The following SMAD6 variants were observed in gnomAD, a reference collection of about 807,000 sequenced individuals.
SMAD6 encodes MAD homolog 6.
SMAD6 carries 103 observed loss-of-function variants against 39.4 expected under a neutral mutation model. That is an observed-to-expected ratio of 2.62 (90% CI 2.23 to 3.08). SMAD6 has a LOEUF of 3.08. Ranked by LOEUF, SMAD6 falls within the 30% of genes most tolerant of loss-of-function variation. The pLI is 0.00. For missense variants in SMAD6, 1,104 were observed against 742.9 expected (o/e 1.49, Z -5.65); for synonymous variants, 445 against 353.3 (o/e 1.26, Z -2.91).
At chr15:66,709,889 GCCTGAGAGC>G in intron 1 of SMAD6, among the ~76,000 whole-genome samples, 1 of 152,288 alleles carries the variant, frequency 6.6e-6, no homozygotes, top group African/African-American at 2.4e-5. Context: ...TGGCCTCTAG[GCCTGAGAGC>G]CCCCTAGATC....
At position 66,782,145 on chromosome 15, in the gene SMAD6, A is replaced by C. The variant is rs538551080; in HGVS notation, c.*610A>C. The C allele has an allele frequency of 2.6e-6, 1 of 381,532 alleles. No homozygotes were observed. The highest frequency in any genetic ancestry group is 3.9e-5 in the East Asian group (1 of 25,870). 23.6% of individuals were successfully genotyped at this position (381,532 alleles called of 1,614,324 possible). On this transcript the variant is annotated 3_prime_UTR_variant, in exon 4 of 4. Coordinates refer to ENST00000288840, the MANE Select transcript of SMAD6 (RefSeq NM_005585.5). ...TTGAAAAGGGAGGAAAGTCACATTT[A>C]CTCTTAAGTAAACCAGAGAAAGTTC...
intron 3 of SMAD6, among the ~76,000 whole-genome samples, chr15:66,733,639 A>C (rs973258152): frequency 7.9e-5 from 12 of 152,208 alleles, no homozygotes; most frequent in Admixed American, 7.9e-4. Flanking sequence ...CCATATATGC[A>C]TAGGACTTTC....
intron 3 of SMAD6, among the ~76,000 whole-genome samples, chr15:66,742,545 T>C (rs1375181656): frequency 1.3e-5 from 2 of 152,158 alleles, no homozygotes; most frequent in East Asian, 1.9e-4. Flanking sequence ...CAAGATCCTC[T>C]GCAGCCTCAA....
rs1395269676 is a variant in SMAD6 at position 66,757,794 on chromosome 15, C to T, written c.953-23203C>T. On this transcript the variant is annotated intron_variant, in intron 3 of 3. Transcript: ENST00000288840. ...GGATGCCAGAATGTCCACCGAGCCG[C>T]GAAGGAAGTGCTGGCAGGACAACAG... Among the ~76,000 whole-genome samples, 10 of 152,316 alleles carry T rather than the reference C, an allele frequency of 6.6e-5. No homozygotes were observed. The South Asian group carries it at 8.3e-4, about 13-fold the overall frequency.
intron 3 of SMAD6, among the ~76,000 whole-genome samples, chr15:66,756,812 C>T (rs79434560): frequency 0.014 from 2,105 of 152,366 alleles, 14 homozygotes; most frequent in Non-Finnish European, 0.02. Context: ...GCTGTGTCCT[C>T]TGGACAGAGG....
chr15:66,763,864 C>T lies in SMAD6; in HGVS notation c.953-17133C>T, dbSNP rs915265231. On this transcript the variant is annotated intron_variant, in intron 3 of 3. Transcript: ENST00000288840. ...CCCCCTGGCCAAACGCCCTAGGCAA[C>T]GCTGCTTCTTGAAGATGGGCATGGA... is the stretch of plus-strand genomic sequence containing the variant. 1.9e-4 allele frequency among the ~76,000 whole-genome samples: 29 copies of T among 152,230 alleles called. No homozygotes were observed. In the East Asian group the frequency reaches 2.1e-3, roughly 11 times the overall value.
intron 1 of SMAD6, among the ~76,000 whole-genome samples, chr15:66,709,090 C>T (rs532683662): frequency 6.6e-6 from 1 of 152,282 alleles, no homozygotes; most frequent in African/African-American, 2.4e-5. Context: ...GTTGGGTGAA[C>T]CCCAAGGCCT....
chr15:66,704,022 A>G lies in SMAD6; in HGVS notation c.764A>G (p.Asp255Gly). ...TGCCACAGCTTCGCCGCCGCCGCCG[A>G]CGGCCCTACCGTGTGCTGCAACCCC... ...CGCHSFAAAA[D>G]GPTVCCNPYH... Residue 255 changes from aspartate (D) to glycine (G), a missense_variant, in exon 1 of 4, where the codon GAC becomes GGC. Asp to Gly is a moderately conservative substitution (Grantham distance 94, BLOSUM62 -1). Coordinates refer to ENST00000288840, the MANE Select transcript of SMAD6 (RefSeq NM_005585.5). 1 of 1,505,662 alleles carries G rather than the reference A, an allele frequency of 6.6e-7. No individual in the cohort carries two copies. The highest frequency in any genetic ancestry group is 8.8e-7 in the Non-Finnish European group (1 of 1,136,342). The allele number at this position is 1,505,662 out of a possible 1,614,324, so 93.3% of individuals were successfully genotyped here.
In SMAD6 at chr15:66,704,058, G is replaced by T; in HGVS notation, c.800G>T (p.Ser267Ile). ...GTGTGCTGCAACCCCTACCACTTCA[G>T]CCGGCTCTGCGGGCCCGGTGAGCGC... ...PTVCCNPYHF[S>I]RLCGPESPPP... Residue 267 changes from serine (S) to isoleucine (I), a missense_variant, in exon 1 of 4, where the codon AGC (serine) becomes ATC (isoleucine). Transcript: ENST00000288840. The T allele has an allele frequency of 1.3e-6, 2 of 1,501,042 alleles. No individual in the cohort carries two copies. The highest frequency in any genetic ancestry group is 1.8e-6 in the Non-Finnish European group (2 of 1,133,558). The allele number at this position is 1,501,042 out of a possible 1,614,324, so 93.0% of individuals were successfully genotyped here.
intron 3 of SMAD6, among the ~76,000 whole-genome samples, chr15:66,762,021 A>C (rs1456798139): frequency 1.3e-5 from 2 of 152,220 alleles, no homozygotes; most frequent in African/African-American, 4.8e-5. Flanking sequence ...GCTTGCAGTC[A>C]GCTTAGCCCT....
chr15:66,762,481 G>A (rs1361328794), intron 3 of SMAD6, among the ~76,000 whole-genome samples: 3 of 152,140 alleles, frequency 2.0e-5, no homozygotes, highest in African/African-American at 7.2e-5. Context: ...GGGTTTCTGG[G>A]TGGAGCTCCC....
chr15:66,781,292 G>A lies in SMAD6; in HGVS notation c.1248G>A (p.Thr416=), dbSNP rs1894564416. 6.2e-7 allele frequency: 1 copy of A among 1,604,384 alleles called. No individual in the cohort carries two copies. Among genetic ancestry groups the A allele is most frequent in the Non-Finnish European group, 8.5e-7 (1 of 1,177,080 alleles). ...ACCCCATCTTCGTCAACTCCCCGAC[G>A]CTGGACGCGCCCGGCGGCCGCGCCC... is the stretch of plus-strand genomic sequence containing the variant. The part of the protein sequence containing the change: ...GEHPIFVNSP[T]LDAPGGRALV... The change falls in exon 4 of 4, where the codon ACG becomes ACA. Residue 416 remains threonine (T), a synonymous_variant. Coordinates refer to ENST00000288840, the MANE Select transcript of SMAD6 (RefSeq NM_005585.5).
Position 66,703,885 on chromosome 15 carries a change from GCGCGCCGACCTCCGCCTGGGCGGCCAGCC to G in SMAD6, c.635_663del (p.Asp212AlafsTer81). ...TGCCGGGCGGCTGCGTGCTGGTGCC[GCGCGCCGACCTCCGCCTGGGCGGCCAGCC>G]CGCGCCGCCGCAGCTGCTGCTCGGC... On this transcript the variant is annotated frameshift_variant, in exon 1 of 4. Coordinates refer to ENST00000288840, the MANE Select transcript of SMAD6 (RefSeq NM_005585.5). LOFTEE classifies it high-confidence loss of function. 2.3e-6 allele frequency: 3 copies of G among 1,311,116 alleles called. No homozygotes were observed. The highest frequency in any genetic ancestry group is 2.9e-6 in the Non-Finnish European group (3 of 1,029,496). The allele number at this position is 1,311,116 out of a possible 1,614,324, so 81.2% of individuals were successfully genotyped here.
At chr15:66,729,251 C>A (rs530765330) in intron 3 of SMAD6, among the ~76,000 whole-genome samples, 9 of 152,172 alleles carry the variant, frequency 5.9e-5, no homozygotes, top group African/African-American at 2.2e-4. Context: ...TCCCTGCATC[C>A]CCCGGCACCC....
intron 3 of SMAD6, among the ~76,000 whole-genome samples, chr15:66,728,627 G>A (rs1160438876): frequency 3.3e-5 from 5 of 151,940 alleles, no homozygotes; most frequent in African/African-American, 1.2e-4. Flanking sequence ...GGCTGGTCTC[G>A]AACTCCTGAC....
rs558092862 is a variant in SMAD6, at chr15:66,758,611, C to T, written c.953-22386C>T. On this transcript the variant is annotated intron_variant, in intron 3 of 3. Coordinates refer to ENST00000288840, the MANE Select transcript of SMAD6 (RefSeq NM_005585.5). ...GGCACGGTTGCAGGCATGTATAGTC[C>T]CAGGTACTCGGGAGGCTGAGGCAGG... 5.3e-5 allele frequency among the ~76,000 whole-genome samples: 8 copies of T among 152,072 alleles called. No homozygotes were observed. In the East Asian group the frequency reaches 1.2e-3, roughly 22 times the overall value.
rs572080362 is a variant in SMAD6 at position 66,772,084 on chromosome 15, G to A, written c.953-8913G>A. On this transcript the variant is annotated intron_variant, in intron 3 of 3. Transcript: ENST00000288840. ...CGTCCAGTGTTTGCAGAACCCCCAC[G>A]TGGCTTGGAGTGGATGTGGCTAGCT... Among the ~76,000 whole-genome samples the A allele has an allele frequency of 1.1e-4, 17 of 152,306 alleles. No individual in the cohort carries two copies. In the South Asian group the frequency reaches 1.7e-3, roughly 15 times the overall value.
At chr15:66,759,510 A>G (rs1392348627) in intron 3 of SMAD6, among the ~76,000 whole-genome samples, 2 of 152,236 alleles carry the variant, frequency 1.3e-5, no homozygotes, top group African/African-American at 4.8e-5. Context: ...CCCAGTATGT[A>G]TGGGCACTTA....
intron 3 of SMAD6, among the ~76,000 whole-genome samples, chr15:66,751,016 C>T (rs1475667616): frequency 6.6e-6 from 1 of 152,142 alleles, no homozygotes; most frequent in African/African-American, 2.4e-5. Context: ...CCCAGAGACA[C>T]CCCCACCCCC....
Sources: allele counts gnomAD v4.1 joint callset (sites outside exome capture counted in the v4.1 genomes callset), GRCh38; gene constraint gnomAD v4.1.1; transcripts MANE v1.5; gene names NCBI Gene and HGNC (gene_info 2026-07-23, HGNC 2026-07-21).